LTB4R: variants seen among roughly 807,000 people sequenced by gnomAD.
LTB4R encodes leukotriene B4 receptor.
For synonymous variants in LTB4R, 250 were observed against 230.7 expected (o/e 1.08, Z -0.76); for missense variants, 470 against 485.6 (o/e 0.97, Z 0.30).
intron 1 of LTB4R, among the ~76,000 whole-genome samples, chr14:24,312,618 C>A (rs1411910043): frequency 2.0e-5 from 3 of 152,224 alleles, no homozygotes; most frequent in Non-Finnish European, 4.4e-5. Context: ...GCCACATATT[C>A]TTTTTCTCTT....
intron 1 of LTB4R, chr14:24,313,186 C>T (rs2041737908): frequency 6.6e-6 from 1 of 152,190 alleles, no homozygotes; most frequent in African/African-American, 2.4e-5. Context: ...CAAGGACAAC[C>T]CAGTTTCTGT....
Position 24,311,934 on chromosome 14 carries a change from C to T in LTB4R, c.-16+130C>T, listed in dbSNP as rs1448934144. Reference sequence around the variant, plus strand: ...GGGATTATGAGGGTGGTGATGGTCCCTGTTAAGGACTATTGTGTGCTTGCA... The same window carrying T: ...GGGATTATGAGGGTGGTGATGGTCCTTGTTAAGGACTATTGTGTGCTTGCA... On this transcript the variant is annotated intron_variant, in intron 1 of 1. Transcript: ENST00000345363. 51 of 593,194 alleles carry T rather than the reference C, an allele frequency of 8.6e-5. 1 individual carries two copies. Among genetic ancestry groups the T allele is most frequent in the Non-Finnish European group, 6.0e-5 (20 of 332,582 alleles). 36.7% of individuals were successfully genotyped at this position (593,194 alleles called of 1,614,324 possible).
rs1188846335 is a variant in LTB4R at position 24,317,286 on chromosome 14, A to G, written c.*576A>G. The G allele has an allele frequency of 6.0e-6, 1 of 167,182 alleles. No individual in the cohort carries two copies. Among genetic ancestry groups the G allele is most frequent in the African/African-American group, 2.4e-5 (1 of 41,470 alleles). 10.4% of individuals were successfully genotyped at this position (167,182 alleles called of 1,614,324 possible). On this transcript the variant is annotated 3_prime_UTR_variant, in exon 2 of 2. Transcript: ENST00000345363. The stretch of plus-strand genomic sequence containing the variant: ...GAAGCCTGTGATAAGTCTCCTTGTT[A>G]GAATGACTCCAACTTCCTGCCAATA...
rs1277973906 is a variant in LTB4R, at chr14:24,317,882, AGGTAT to A, written c.*1176_*1180del. 1 of 177,584 alleles carries A rather than the reference AGGTAT, an allele frequency of 5.6e-6. No individual in the cohort carries two copies. The highest frequency in any genetic ancestry group is 2.4e-5 in the African/African-American group (1 of 41,664). The allele number at this position is 177,584 out of a possible 1,614,324, so 11.0% of individuals were successfully genotyped here. A position where few individuals can be genotyped will look rare whatever the true frequency, so the allele number is the denominator to read the frequency against. ...AAGCTGTCTACAGATCCTTACTGGA[AGGTAT>A]GGTGCACCAATTTGAGAACAGCAGC... On this transcript the variant is annotated 3_prime_UTR_variant, in exon 2 of 2. Coordinates refer to ENST00000345363, the MANE Select transcript of LTB4R (RefSeq NM_001143919.3).
Position 24,316,591 on chromosome 14 carries a change from A to C in LTB4R, c.940A>C (p.Ser314Arg). 1 of 1,461,176 alleles carries C rather than the reference A, an allele frequency of 6.8e-7. No homozygotes were observed. Among genetic ancestry groups the C allele is most frequent in the East Asian group, 2.8e-5 (1 of 35,198 alleles). The allele number at this position is 1,461,176 out of a possible 1,614,324, so 90.5% of individuals were successfully genotyped here. A position where few individuals can be genotyped will look rare whatever the true frequency, so the allele number is the denominator to read the frequency against. The change falls in exon 2 of 2, where the codon AGC becomes CGC. Residue 314 changes from serine (S) to arginine (R), a missense_variant. Transcript: ENST00000345363. Reference sequence around the variant, plus strand: ...GGAGGGCACGGGCTCCGAGGCGTCCAGCACGCGCCGCGGGGGCAGCCTGGG... The same window carrying C: ...GGAGGGCACGGGCTCCGAGGCGTCCCGCACGCGCCGCGGGGGCAGCCTGGG... ...LLEGTGSEASSTRRGGSLGQT... is the reference protein window; with the variant it reads ...LLEGTGSEASRTRRGGSLGQT...
In LTB4R at chr14:24,311,796, C is replaced by T. The variant is rs2041714507; in HGVS notation, c.-24C>T. The T allele has an allele frequency of 3.5e-6, 5 of 1,433,718 alleles. No individual in the cohort carries two copies. The highest frequency in any genetic ancestry group is 2.5e-5 in the Admixed American group (1 of 40,518). The allele number at this position is 1,433,718 out of a possible 1,614,324, so 88.8% of individuals were successfully genotyped here. A position where few individuals can be genotyped will look rare whatever the true frequency, so the allele number is the denominator to read the frequency against. ...CTGTCCCTTTCCACCCCCCACCCAC[C>T]CTCCAGAGGTCAGTGTTCTGGGACA... On this transcript the variant is annotated 5_prime_UTR_variant, in exon 1 of 2. Coordinates refer to ENST00000345363, the MANE Select transcript of LTB4R (RefSeq NM_001143919.3).
chr14:24,316,475 T>A lies in LTB4R; in HGVS notation c.824T>A (p.Phe275Tyr). ...LARNVLIALA[F>Y]LSSSVNPVLY... ...CGCAACGTGCTCATCGCACTCGCCT[T>A]CCTGAGCAGCAGCGTGAACCCCGTG... The change falls in exon 2 of 2, where the codon TTC (phenylalanine) becomes TAC (tyrosine). Residue 275 changes from phenylalanine to tyrosine, a missense_variant. By Grantham distance (22) the Phe-to-Tyr change is conservative (BLOSUM62 3). Transcript: ENST00000345363. 1 of 1,560,454 alleles carries A rather than the reference T, an allele frequency of 6.4e-7. No homozygotes were observed. Among genetic ancestry groups the A allele is most frequent in the Non-Finnish European group, 8.7e-7 (1 of 1,155,354 alleles).
chr14:24,316,827 G>T lies in LTB4R; in HGVS notation c.*117G>T. 4.8e-6 allele frequency: 4 copies of T among 835,480 alleles called. No individual in the cohort carries two copies. Among genetic ancestry groups the T allele is most frequent in the Non-Finnish European group, 6.9e-6 (4 of 582,318 alleles). 51.8% of individuals were successfully genotyped at this position (835,480 alleles called of 1,614,324 possible). A position where few individuals can be genotyped will look rare whatever the true frequency, so the allele number is the denominator to read the frequency against. On this transcript the variant is annotated 3_prime_UTR_variant, in exon 2 of 2. Coordinates refer to ENST00000345363, the MANE Select transcript of LTB4R (RefSeq NM_001143919.3). Reference sequence around the variant, plus strand: ...TGGAGGGCGTGGGAGCGTGGGAGGCGGGAGTGGAGTGGAAGAAGAGGGAGA... The same window carrying T: ...TGGAGGGCGTGGGAGCGTGGGAGGCTGGAGTGGAGTGGAAGAAGAGGGAGA...
In LTB4R at chr14:24,316,956, TG is replaced by T; in HGVS notation, c.*250del. ...TCTGAAATTTGGTCAACCTTGTGAG[TG>T]GGGTACATGTGCTGTGGGTATCGGG... On this transcript the variant is annotated 3_prime_UTR_variant, in exon 2 of 2. Transcript: ENST00000345363. 2.4e-6 allele frequency: 1 copy of T among 417,284 alleles called. No individual in the cohort carries two copies. Among genetic ancestry groups the T allele is most frequent in the Non-Finnish European group, 4.4e-6 (1 of 225,098 alleles). 25.8% of individuals were successfully genotyped at this position (417,284 alleles called of 1,614,324 possible). A position where few individuals can be genotyped will look rare whatever the true frequency, so the allele number is the denominator to read the frequency against.
chr14:24,317,564 A>G lies in LTB4R; in HGVS notation c.*854A>G, dbSNP rs536908524. On this transcript the variant is annotated 3_prime_UTR_variant, in exon 2 of 2. Coordinates refer to ENST00000345363, the MANE Select transcript of LTB4R (RefSeq NM_001143919.3). Reference sequence around the variant, plus strand: ...TGTTGTTTTAGAGAACCTTGGTCCAACTCTGTTCTGACAAGGTTTTAGGAA... The same window carrying G: ...TGTTGTTTTAGAGAACCTTGGTCCAGCTCTGTTCTGACAAGGTTTTAGGAA... 7 of 167,166 alleles carry G rather than the reference A, an allele frequency of 4.2e-5. No homozygotes were observed. In the South Asian group the frequency reaches 8.3e-4, roughly 20 times the overall value. 10.4% of individuals were successfully genotyped at this position (167,166 alleles called of 1,614,324 possible).
At position 24,316,017 on chromosome 14, in the gene LTB4R, C is replaced by G; in HGVS notation, c.366C>G (p.Pro122=). The change falls in exon 2 of 2, where the codon CCC becomes CCG. Residue 122 remains proline, a synonymous_variant. Coordinates refer to ENST00000345363, the MANE Select transcript of LTB4R (RefSeq NM_001143919.3). ...SLDRSLAVAR[P]FVSQKLRTKA... is the part of the protein sequence containing the mutation. ...ACCGCTCACTGGCGGTGGCCCGCCC[C>G]TTTGTGTCCCAGAAGCTACGCACCA... 1.2e-6 allele frequency: 2 copies of G among 1,613,894 alleles called. No homozygotes were observed. The highest frequency in any genetic ancestry group is 1.3e-5 in the African/African-American group (1 of 75,072).
Position 24,311,680 on chromosome 14 carries a change from G to GCCGCGGCAATGGAGAC in LTB4R, c.-136_-121dup. The GCCGCGGCAATGGAGAC allele has an allele frequency of 6.2e-7, 1 of 1,610,718 alleles. No individual in the cohort carries two copies. The highest frequency in any genetic ancestry group is 2.2e-5 in the East Asian group (1 of 44,814). ...CCTCAGCTGAAAGTGGTGGGGCAGG[G>GCCGCGGCAATGGAGAC]CCGCGGCAATGGAGACCCGGGGGGT... On this transcript the variant is annotated 5_prime_UTR_variant, in exon 1 of 2. The change creates a new upstream start codon in the 5' untranslated region. Transcript: ENST00000345363.
At position 24,315,831 on chromosome 14, in the gene LTB4R, G is replaced by C. The variant is rs746069412; in HGVS notation, c.180G>C (p.Leu60=). 16 of 1,614,126 alleles carry C rather than the reference G, an allele frequency of 9.9e-6. No homozygotes were observed. In the South Asian group the frequency reaches 1.8e-4, roughly 18 times the overall value. Residue 60 remains leucine, a synonymous_variant, in exon 2 of 2, where the codon CTG becomes CTC. Coordinates refer to ENST00000345363, the MANE Select transcript of LTB4R (RefSeq NM_001143919.3). Reference sequence around the variant, plus strand: ...TCACTGCCCTGATGGTGCTGAACCTGGCCCTGGCCGACCTGGCCGTATTGC... The same window carrying C: ...TCACTGCCCTGATGGTGCTGAACCTCGCCCTGGCCGACCTGGCCGTATTGC... ...RSVTALMVLN[L]ALADLAVLLT...
chr14:24,316,126 G>C lies in LTB4R; in HGVS notation c.475G>C (p.Val159Leu). ...ACCCGTCCTCGCGTACCGCACAGTA[G>C]TGCCCTGGAAAACGAACATGAGCCT... ...ATPVLAYRTV[V>L]PWKTNMSLCF... is the part of the protein sequence containing the mutation. The change falls in exon 2 of 2, where the codon GTG becomes CTG. Residue 159 changes from valine (V) to leucine (L), a missense_variant. Val to Leu is a conservative substitution (Grantham distance 32). Coordinates refer to ENST00000345363, the MANE Select transcript of LTB4R (RefSeq NM_001143919.3). The C allele has an allele frequency of 6.2e-7, 1 of 1,613,844 alleles. No individual in the cohort carries two copies. Among genetic ancestry groups the C allele is most frequent in the Non-Finnish European group, 8.5e-7 (1 of 1,180,054 alleles).
rs537811819 is a variant in LTB4R, at chr14:24,311,700, G to A, written c.-120G>A. On this transcript the variant is annotated 5_prime_UTR_variant, in exon 1 of 2. Coordinates refer to ENST00000345363, the MANE Select transcript of LTB4R (RefSeq NM_001143919.3). ...GCAGGGCCGCGGCAATGGAGACCCG[G>A]GGGGTGGGATGGAGAAGGACGGTCC... The A allele has an allele frequency of 6.2e-7, 1 of 1,606,404 alleles. No individual in the cohort carries two copies.
chr14:24,311,579 G>A lies in LTB4R; in HGVS notation c.-241G>A, dbSNP rs148919542. On this transcript the variant is annotated 5_prime_UTR_variant, in exon 1 of 2. Transcript: ENST00000345363. ...CCCGGGCAGGTCCCCGTTTCCTCAC[G>A]CGGCTCTTCGAAGGCTCTGGGGAGG... 7.4e-6 allele frequency: 12 copies of A among 1,611,210 alleles called. No individual in the cohort carries two copies. In the South Asian group the frequency reaches 8.8e-5, roughly 12 times the overall value.
intron 1 of LTB4R, among the ~76,000 whole-genome samples, chr14:24,315,172 C>T (rs1248820823): frequency 1.3e-5 from 2 of 152,324 alleles, no homozygotes; most frequent in Admixed American, 6.5e-5. Context: ...CTCCTCCCCT[C>T]CCTGTTATTC....
rs961830871 is a variant in LTB4R, at chr14:24,316,478, T to C, written c.827T>C (p.Leu276Pro). The change falls in exon 2 of 2, where the codon CTG becomes CCG. Residue 276 changes from leucine to proline, a missense_variant. Transcript: ENST00000345363. ...ARNVLIALAF[L>P]SSSVNPVLYA... Reference sequence around the variant, plus strand: ...AACGTGCTCATCGCACTCGCCTTCCTGAGCAGCAGCGTGAACCCCGTGCTG... The same window carrying C: ...AACGTGCTCATCGCACTCGCCTTCCCGAGCAGCAGCGTGAACCCCGTGCTG... 1 of 1,559,218 alleles carries C rather than the reference T, an allele frequency of 6.4e-7. No homozygotes were observed. The highest frequency in any genetic ancestry group is 1.9e-5 in the Admixed American group (1 of 52,184).
chr14:24,316,601 G>A lies in LTB4R; in HGVS notation c.950G>A (p.Arg317His), dbSNP rs772141314. The change falls in exon 2 of 2, where the codon CGC (arginine) becomes CAC (histidine). Residue 317 changes from arginine to histidine, a missense_variant. Transcript: ENST00000345363. Reference sequence around the variant, plus strand: ...GGCTCCGAGGCGTCCAGCACGCGCCGCGGGGGCAGCCTGGGCCAGACCGCT... The same window carrying A: ...GGCTCCGAGGCGTCCAGCACGCGCCACGGGGGCAGCCTGGGCCAGACCGCT... ...GTGSEASSTR[R>H]GGSLGQTARS... 34 of 1,466,848 alleles carry A rather than the reference G, an allele frequency of 2.3e-5. No individual in the cohort carries two copies. In the South Asian group the frequency reaches 2.5e-4, roughly 11 times the overall value. The allele number at this position is 1,466,848 out of a possible 1,614,324, so 90.9% of individuals were successfully genotyped here.
Sources: gnomAD v4.1 joint callset for allele counts (sites outside exome capture counted in the v4.1 genomes callset) on GRCh38, gnomAD v4.1.1 for gene constraint, MANE v1.5 for transcripts, NCBI Gene and HGNC (gene_info 2026-07-23, HGNC 2026-07-21) for gene names.